PLA2G7: variants seen among roughly 807,000 people sequenced by gnomAD.
PLA2G7 encodes phospholipase A2 group VII.
A neutral mutation model predicts 49.6 loss-of-function variants in PLA2G7; 63 were observed. The observed-to-expected ratio is 1.27, with a 90% CI of 1.04 to 1.57. The LOEUF is 1.57. Ranked by LOEUF, PLA2G7 falls within the 40% of genes most tolerant of loss-of-function variation. The pLI, the probability that PLA2G7 is intolerant of heterozygous loss-of-function variation, is 0.00. For synonymous variants in PLA2G7, 193 were observed against 169.9 expected (o/e 1.14, Z -1.06); for missense variants, 596 against 521.2 (o/e 1.14, Z -1.40).
chr6:46,708,168 A>G lies in PLA2G7; in HGVS notation c.870-7T>C. The G allele has an allele frequency of 1.9e-6, 3 of 1,605,432 alleles. No homozygotes were observed. The highest frequency in any genetic ancestry group is 2.6e-6 in the Non-Finnish European group (3 of 1,172,352). ...ATCCAGGGCAATACCACATCTGTAG[A>G]TATTTGTTGACAATGATGAAATTAA... On this transcript the variant is annotated splice_polypyrimidine_tract_variant and splice_region_variant and intron_variant, in intron 9 of 11. Coordinates refer to ENST00000274793, the MANE Select transcript of PLA2G7 (RefSeq NM_005084.4).
chr6:46,722,688 C>T (rs1765438093), intron 2 of PLA2G7, 95 bp downstream of exon 2: 6 of 755,684 alleles, frequency 7.9e-6, no homozygotes, highest in South Asian at 2.9e-5. Context: ...TTAAATAGGA[C>T]TTGTTTAGAT....
chr6:46,712,351 A>G lies in PLA2G7; in HGVS notation c.471-14T>C. 6.3e-7 allele frequency: 1 copy of G among 1,597,322 alleles called. No homozygotes were observed. The highest frequency in any genetic ancestry group is 8.6e-7 in the Non-Finnish European group (1 of 1,165,140). On this transcript the variant is annotated splice_polypyrimidine_tract_variant and intron_variant, in intron 5 of 11. Coordinates refer to ENST00000274793, the MANE Select transcript of PLA2G7 (RefSeq NM_005084.4). ...GAATAAAGTGTCCTTCAAAACAAAA[A>G]GAGGGAAGAATTACAACTACCAGTC...
chr6:46,723,704 A>C (rs529609842), intron 1 of PLA2G7, among the ~76,000 whole-genome samples: 55 of 152,226 alleles, frequency 3.6e-4, no homozygotes, highest in African/African-American at 1.2e-3. Flanking sequence ...ATCATCTCTT[A>C]CCTAAAATTT....
chr6:46,717,023 C>T lies in PLA2G7; in HGVS notation c.183G>A (p.Gly61=). The change falls in exon 3 of 12, where the codon GGG becomes GGA. Residue 61 remains glycine, a synonymous_variant. Coordinates refer to ENST00000274793, the MANE Select transcript of PLA2G7 (RefSeq NM_005084.4). ...AGTCTGTACAACCAACGGAATAAGGCCCATTTCCCCGGGGGATTTTAGTTT... is the reference window on the plus strand; with the variant it reads ...AGTCTGTACAACCAACGGAATAAGGTCCATTTCCCCGGGGGATTTTAGTTT... ...FGQTKIPRGN[G]PYSVGCTDLM... 1.2e-6 allele frequency: 2 copies of T among 1,613,456 alleles called. No homozygotes were observed. Among genetic ancestry groups the T allele is most frequent in the Non-Finnish European group, 1.7e-6 (2 of 1,179,418 alleles).
chr6:46,731,291 A>C (rs1293711926), intron 1 of PLA2G7, among the ~76,000 whole-genome samples: 1 of 152,226 alleles, frequency 6.6e-6, no homozygotes, highest in African/African-American at 2.4e-5. Flanking sequence ...AGAATGCTTC[A>C]CTAAGGGAAA....
At chr6:46,721,447 C>T (rs1765396815) in intron 2 of PLA2G7, among the ~76,000 whole-genome samples, 1 of 151,994 alleles carries the variant, frequency 6.6e-6, no homozygotes, top group African/African-American at 2.4e-5. Context: ...TCTGTCAGTC[C>T]AGCAACAGCC....
chr6:46,729,009 GT>G (rs1378297193), intron 1 of PLA2G7, among the ~76,000 whole-genome samples: 1 of 152,122 alleles, frequency 6.6e-6, no homozygotes, highest in Non-Finnish European at 1.5e-5. Context: ...TGATAATGGG[GT>G]TCTTATGGGG....
intron 8 of PLA2G7, 157 bp downstream of exon 8, chr6:46,710,388 T>C: frequency 3.1e-6 from 2 of 645,774 alleles, no homozygotes. Flanking sequence ...GCTGCAATAC[T>C]TTACCTGTAC....
intron 1 of PLA2G7, among the ~76,000 whole-genome samples, chr6:46,734,883 C>T (rs1765869696): frequency 6.6e-6 from 1 of 152,124 alleles, no homozygotes. Flanking sequence ...AAAGAAAACT[C>T]CATGTGTTCC....
chr6:46,711,597 A>G lies in PLA2G7; in HGVS notation c.562T>C (p.Tyr188His). 6.2e-7 allele frequency: 1 copy of G among 1,613,642 alleles called. No homozygotes were observed. The highest frequency in any genetic ancestry group is 8.5e-7 in the Non-Finnish European group (1 of 1,179,590). The change falls in exon 7 of 12, where the codon TAC becomes CAC. Residue 188 changes from tyrosine (Y) to histidine (H), a missense_variant. Coordinates refer to ENST00000274793, the MANE Select transcript of PLA2G7 (RefSeq NM_005084.4). ...GCAGCAGATTGGTCCTTGAAATAGT[A>G]AGTTGCAGATGCAGATCTATCTCTA... ...EHRDRSASATYYFKDQSAAEI... is the reference protein window; with the variant it reads ...EHRDRSASATHYFKDQSAAEI...
chr6:46,717,951 C>T (rs921599790), intron 2 of PLA2G7, among the ~76,000 whole-genome samples: 2 of 152,110 alleles, frequency 1.3e-5, no homozygotes, highest in African/African-American at 2.4e-5. Flanking sequence ...CTCCTGACCT[C>T]GTGATCCGCC....
At chr6:46,709,182 G>A (rs952809811) in intron 9 of PLA2G7, 145 bp downstream of exon 9, 7 of 618,248 alleles carry the variant, frequency 1.1e-5, no homozygotes, top group African/African-American at 1.9e-5. Context: ...AATGTATATA[G>A]AGTATTTTAT....
intron 1 of PLA2G7, among the ~76,000 whole-genome samples, chr6:46,727,232 C>T (rs556349942): frequency 6.6e-6 from 1 of 152,262 alleles, no homozygotes; most frequent in Admixed American, 6.5e-5. Flanking sequence ...CCGATTTCCC[C>T]TATTTGTCAC....
intron 1 of PLA2G7, among the ~76,000 whole-genome samples, chr6:46,728,815 G>A (rs1453568886): frequency 1.3e-5 from 2 of 152,150 alleles, no homozygotes; most frequent in Admixed American, 1.3e-4. Context: ...GTTAGGTTAA[G>A]GTCATGGGTA....
At chr6:46,724,239 G>A in intron 1 of PLA2G7, among the ~76,000 whole-genome samples, 1 of 152,206 alleles carries the variant, frequency 6.6e-6, no homozygotes, top group South Asian at 2.1e-4. Flanking sequence ...TACCTTGTAT[G>A]TTATTTGTTA....
In PLA2G7 at chr6:46,704,353, G is replaced by A; in HGVS notation, c.*207C>T. ...ACTGTATTCTTTCTTTACATCTAAA[G>A]GGAAAAAATTCTTAGTCCAAGCTTC... On this transcript the variant is annotated 3_prime_UTR_variant, in exon 12 of 12. Transcript: ENST00000274793. 1 of 562,554 alleles carries A rather than the reference G, an allele frequency of 1.8e-6. No individual in the cohort carries two copies. The allele number at this position is 562,554 out of a possible 1,614,324, so 34.8% of individuals were successfully genotyped here.
In PLA2G7 at chr6:46,705,231, A is replaced by T. The variant is rs765327661; in HGVS notation, c.1111T>A (p.Leu371Ile). 1 of 1,609,946 alleles carries T rather than the reference A, an allele frequency of 6.2e-7. No homozygotes were observed. Among genetic ancestry groups the T allele is most frequent in the Non-Finnish European group, 8.5e-7 (1 of 1,176,446 alleles). Reference protein sequence around the residue: ...TGKIIGHMLKLKGDIDSNVAI... With the variant: ...TGKIIGHMLKIKGDIDSNVAI... ...ACATTTGAATCTATGTCTCCCTTTAATTTGAGCATGTGTCCAATTATTTTG... is the reference window on the plus strand; with the variant it reads ...ACATTTGAATCTATGTCTCCCTTTATTTTGAGCATGTGTCCAATTATTTTG... The change falls in exon 11 of 12, where the codon TTA becomes ATA. Residue 371 changes from leucine (L) to isoleucine (I), a missense_variant. By Grantham distance (5) the Leu-to-Ile change is conservative. Coordinates refer to ENST00000274793, the MANE Select transcript of PLA2G7 (RefSeq NM_005084.4).
At chr6:46,705,034 T>C in intron 11 of PLA2G7, 119 bp downstream of exon 11, 1 of 781,546 alleles carries the variant, frequency 1.3e-6, no homozygotes. Context: ...ATTGATATAC[T>C]GCTTTGTTCC....
intron 1 of PLA2G7, among the ~76,000 whole-genome samples, chr6:46,734,401 G>GGTGT (rs371692865): frequency 0.076 from 5,696 of 75,294 alleles, 1,217 homozygotes; most frequent in South Asian, 0.15. Context: ...GGTGTGTAGT[G>GGTGT]GTGTGTGTGT....
Sources: allele counts gnomAD v4.1 joint callset (sites outside exome capture counted in the v4.1 genomes callset), GRCh38; gene constraint gnomAD v4.1.1; transcripts MANE v1.5; gene names NCBI Gene and HGNC (gene_info 2026-07-23, HGNC 2026-07-21).